Variants in COL11A1 observed in about 807,000 individuals in gnomAD.
COL11A1 encodes the protein collagen alpha-1(XI) chain.
Under a neutral mutation model 265.2 loss-of-function variants are expected in COL11A1, and 74 were observed. The observed-to-expected ratio is 0.28, with a 90% CI of 0.23 to 0.34. The LOEUF is 0.34. Among genes scored for constraint, COL11A1 ranks in the 10% least tolerant of loss-of-function variants. The pLI is 1.00. For missense variants in COL11A1, 2,165 were observed against 2,263.6 expected (o/e 0.96, Z 0.88); for synonymous variants, 816 against 727.6 (o/e 1.12, Z -1.96).
chr1:103,041,992 G>A (rs1470808623), intron 4 of COL11A1, among the ~76,000 whole-genome samples: 1 of 152,010 alleles, frequency 6.6e-6, no homozygotes, highest in African/African-American at 2.4e-5. Context: ...TCTTTTGTGT[G>A]TATTATAACA....
chr1:102,947,792 T>C (rs979090371), intron 41 of COL11A1, among the ~76,000 whole-genome samples: 6 of 151,944 alleles, frequency 3.9e-5, no homozygotes, highest in Admixed American at 2.0e-4. Context: ...ACATACATAC[T>C]AAGTATTGTA....
intron 36 of COL11A1, among the ~76,000 whole-genome samples, chr1:102,973,232 G>A (rs537730210): frequency 6.6e-6 from 1 of 152,226 alleles, no homozygotes; most frequent in East Asian, 1.9e-4. Context: ...ATCAGTGAAA[G>A]AAATACTCCT....
intron 39 of COL11A1, 64 bp downstream of exon 39, chr1:102,962,589 G>A (rs1661022707): frequency 7.5e-7 from 1 of 1,331,336 alleles, no homozygotes; most frequent in Non-Finnish European, 1.1e-6. Context: ...TAGACAAGGG[G>A]TGAGTATAGT....
intron 42 of COL11A1, among the ~76,000 whole-genome samples, chr1:102,946,463 A>G (rs2622863): frequency 0.91 from 137,695 of 152,042 alleles, 63,277 homozygotes; most frequent in East Asian, 1. Flanking sequence ...AGTCTTATTT[A>G]CAGACTATGG....
chr1:103,091,684 G>C (rs1023992565), intron 1 of COL11A1, among the ~76,000 whole-genome samples: 3 of 151,912 alleles, frequency 2.0e-5, no homozygotes, highest in Non-Finnish European at 4.4e-5. Flanking sequence ...CATTAATAAT[G>C]CTCTGTTTAC....
chr1:102,988,844 G>A (rs532909925), intron 29 of COL11A1, among the ~76,000 whole-genome samples: 44 of 152,014 alleles, frequency 2.9e-4, no homozygotes, highest in African/African-American at 8.7e-4. Context: ...TATCTTTAAC[G>A]TTTAAGAACT....
chr1:103,066,306 G>A (rs928312127), intron 4 of COL11A1, among the ~76,000 whole-genome samples: 1 of 151,576 alleles, frequency 6.6e-6, no homozygotes, highest in Non-Finnish European at 1.5e-5. Flanking sequence ...AACATTTGGT[G>A]GTATGTTCAA....
chr1:102,978,196 G>GT (rs1304734880), intron 35 of COL11A1, among the ~76,000 whole-genome samples: 2 of 152,064 alleles, frequency 1.3e-5, no homozygotes, highest in Non-Finnish European at 2.9e-5. Flanking sequence ...TTGTTCATAT[G>GT]TATTTGGCTA....
chr1:103,006,372 A>T lies in COL11A1; in HGVS notation c.1684-57T>A, dbSNP rs569666664. 433 of 1,353,978 alleles carry T rather than the reference A, an allele frequency of 3.2e-4. 1 individual carries two copies. The African/African-American group carries it at 5.3e-3, about 17-fold the overall frequency. 83.9% of individuals were successfully genotyped at this position (1,353,978 alleles called of 1,614,324 possible). A position where few individuals can be genotyped will look rare whatever the true frequency, so the allele number is the denominator to read the frequency against. On this transcript the variant is annotated intron_variant, in intron 15 of 66. Transcript: ENST00000370096. ...ATAGAATTCTTGATCAATAAACTCA[A>T]TAGCATCAAGAGAGATGGTTTCAGA...
intron 54 of COL11A1, among the ~76,000 whole-genome samples, chr1:102,910,768 C>A (rs1409028245): frequency 6.6e-6 from 1 of 151,984 alleles, no homozygotes; most frequent in African/African-American, 2.4e-5. Flanking sequence ...CACAATTTGC[C>A]CAACGTAATA....
chr1:103,087,245 T>C (rs1302056766), intron 1 of COL11A1, among the ~76,000 whole-genome samples: 1 of 152,210 alleles, frequency 6.6e-6, no homozygotes, highest in African/African-American at 2.4e-5. Flanking sequence ...TTTTGTTCAA[T>C]TATATTTTCC....
At chr1:103,056,583 A>G (rs1670265987) in intron 4 of COL11A1, among the ~76,000 whole-genome samples, 1 of 152,104 alleles carries the variant, frequency 6.6e-6, no homozygotes, top group Admixed American at 6.6e-5. Flanking sequence ...GTGGGAGGAG[A>G]AAAGGAATCA....
intron 3 of COL11A1, among the ~76,000 whole-genome samples, chr1:103,075,542 G>T (rs1671908021): frequency 6.6e-6 from 1 of 152,104 alleles, no homozygotes; most frequent in South Asian, 2.1e-4. Context: ...GACAGGCTTG[G>T]CTGGGGAGAC....
intron 41 of COL11A1, among the ~76,000 whole-genome samples, chr1:102,954,248 A>G (rs1217203921): frequency 2.0e-5 from 3 of 152,206 alleles, no homozygotes; most frequent in African/African-American, 7.2e-5. Context: ...TACAATGATA[A>G]TGAAACAAGA....
At position 102,880,696 on chromosome 1, in the gene COL11A1, A is replaced by G. The variant is rs2616000; in HGVS notation, c.5041-780T>C. 3.1e-3 allele frequency among the ~76,000 whole-genome samples: 473 copies of G among 152,174 alleles called. 5 individuals are homozygous for G. Among genetic ancestry groups the G allele is most frequent in the African/African-American group, 0.011 (456 of 41,524 alleles). On this transcript the variant is annotated intron_variant, in intron 65 of 66. Coordinates refer to ENST00000370096, the MANE Select transcript of COL11A1 (RefSeq NM_001854.4). ...ACATATACACTTAAATTTGAAAAAA[A>G]AAAGGTTAAGATGTTCACCTAGATT...
In COL11A1 at chr1:103,092,802, A is replaced by G. The variant is rs181494634; in HGVS notation, c.107-9830T>C. The stretch of plus-strand genomic sequence containing the variant: ...TGAAAAGCACCAGGGAACCTATCTG[A>G]AGTACCATTAATGTTTCACATACTC... On this transcript the variant is annotated intron_variant, in intron 1 of 66. Coordinates refer to ENST00000370096, the MANE Select transcript of COL11A1 (RefSeq NM_001854.4). 1.1e-3 allele frequency among the ~76,000 whole-genome samples: 170 copies of G among 152,208 alleles called. 5 individuals are homozygous for G. Among genetic ancestry groups the G allele is most frequent in the Non-Finnish European group, 5.6e-4 (38 of 67,992 alleles).
intron 4 of COL11A1, among the ~76,000 whole-genome samples, chr1:103,068,467 A>T (rs113012043): frequency 0.035 from 5,239 of 151,754 alleles, 327 homozygotes; most frequent in African/African-American, 0.12. Context: ...ACAGAATCCA[A>T]TGAAAACTTT....
At chr1:103,024,383 C>A (rs1262774239) in intron 7 of COL11A1, among the ~76,000 whole-genome samples, 1 of 152,124 alleles carries the variant, frequency 6.6e-6, no homozygotes, top group Admixed American at 6.6e-5. Context: ...TTAAGTAACT[C>A]ATTTTCTATT....
intron 4 of COL11A1, among the ~76,000 whole-genome samples, chr1:103,049,513 T>C (rs6704306): frequency 0.041 from 6,260 of 152,264 alleles, 223 homozygotes; most frequent in African/African-American, 0.092. Flanking sequence ...GAGATGGGTT[T>C]CCTGAATACA....
Sources: gnomAD v4.1 joint callset for allele counts (sites outside exome capture counted in the v4.1 genomes callset) on GRCh38, gnomAD v4.1.1 for gene constraint, MANE v1.5 for transcripts, NCBI Gene and HGNC (gene_info 2026-07-23, HGNC 2026-07-21) for gene names.